Variants in HEMK2 observed in about 807,000 individuals in gnomAD.
HEMK2 encodes methyltransferase HEMK2.
the HEMK2 span, among the ~76,000 whole-genome samples, chr21:28,650,828 G>C: frequency 2.6e-5 from 4 of 152,158 alleles, no homozygotes; most frequent in Non-Finnish European, 5.9e-5. Flanking sequence ...GATGAAAGGG[G>C]CTTGAGGAAA....
the HEMK2 span, among the ~76,000 whole-genome samples, chr21:28,603,549 A>ATGTGTGTGTGTGTGTGTGTGTGTGTGTG: frequency 7.4e-6 from 1 of 135,734 alleles, no homozygotes; most frequent in Non-Finnish European, 1.6e-5. Context: ...GAGGATATAT[A>ATGTGTGTGTGTGTGTGTGTGTGTGTGTG]TGTGTGTGTG....
the HEMK2 span, among the ~76,000 whole-genome samples, chr21:28,730,416 AC>A: frequency 3.4e-3 from 352 of 103,790 alleles, 5 homozygotes; most frequent in African/African-American, 0.011. Context: ...ACACACACAC[AC>A]ATTTCTCACA....
At chr21:28,717,594 C>T in the HEMK2 span, among the ~76,000 whole-genome samples, 1 of 150,340 alleles carries the variant, frequency 6.7e-6, no homozygotes, top group Non-Finnish European at 1.5e-5. Context: ...ATTCTTCTGC[C>T]TCAGCCTCCC....
chr21:28,862,603 CA>C, the HEMK2 span, among the ~76,000 whole-genome samples: 1 of 149,458 alleles, frequency 6.7e-6, no homozygotes, highest in Non-Finnish European at 1.5e-5. Flanking sequence ...TGCGCCACTG[CA>C]GTCCGCAGTC....
the HEMK2 span, among the ~76,000 whole-genome samples, chr21:28,826,005 A>C: frequency 6.6e-6 from 1 of 152,252 alleles, no homozygotes; most frequent in Admixed American, 6.5e-5. Flanking sequence ...TGCAACCTAT[A>C]GCCTTCAAGA....
the HEMK2 span, among the ~76,000 whole-genome samples, chr21:28,855,605 C>A: frequency 3.9e-5 from 6 of 152,106 alleles, no homozygotes; most frequent in South Asian, 1.0e-3. Context: ...ATAAACCACA[C>A]AATCAGAAAA....
chr21:28,860,548 A>C, the HEMK2 span, among the ~76,000 whole-genome samples: 1 of 151,774 alleles, frequency 6.6e-6, no homozygotes, highest in African/African-American at 2.4e-5. Context: ...TTCACTGAAC[A>C]AAGAAATTTT....
the HEMK2 span, chr21:28,880,087 GAAGTA>G: frequency 2.0e-6 from 1 of 492,082 alleles, no homozygotes; most frequent in Non-Finnish European, 3.5e-6. Flanking sequence ...AGACAGAAAT[GAAGTA>G]TTTTTATGTT....
the HEMK2 span, among the ~76,000 whole-genome samples, chr21:28,733,840 T>C: frequency 1.1e-5 from 1 of 95,052 alleles, no homozygotes; most frequent in Non-Finnish European, 2.0e-5. Flanking sequence ...AACTCGTCAC[T>C]GTTTAGTCTT....
At chr21:28,666,793 A>G in the HEMK2 span, among the ~76,000 whole-genome samples, 6 of 152,202 alleles carry the variant, frequency 3.9e-5, no homozygotes, top group African/African-American at 1.4e-4. Flanking sequence ...TTCTGAGGAA[A>G]GACTAGAAAA....
At chr21:28,845,511 G>A in the HEMK2 span, among the ~76,000 whole-genome samples, 3 of 151,904 alleles carry the variant, frequency 2.0e-5, no homozygotes, top group Non-Finnish European at 4.4e-5. Flanking sequence ...ACACTCACTA[G>A]GTGTGTGTAT....
chr21:28,771,522 C>CCCCCA, the HEMK2 span, among the ~76,000 whole-genome samples: 1 of 119,162 alleles, frequency 8.4e-6, no homozygotes, highest in African/African-American at 2.9e-5. Flanking sequence ...TGCACCACCC[C>CCCCCA]CCCCCGCCAA....
the HEMK2 span, among the ~76,000 whole-genome samples, chr21:28,847,952 G>C: frequency 6.6e-6 from 1 of 152,106 alleles, no homozygotes; most frequent in Non-Finnish European, 1.5e-5. Context: ...TTTATTTCTG[G>C]GTTCTCTAAC....
chr21:28,608,400 A>G, the HEMK2 span, among the ~76,000 whole-genome samples: 1 of 152,136 alleles, frequency 6.6e-6, no homozygotes, highest in African/African-American at 2.4e-5. Context: ...AAAAAAAAAA[A>G]AAAAGAAATG....
chr21:28,670,794 G>A, the HEMK2 span, among the ~76,000 whole-genome samples: 29 of 152,210 alleles, frequency 1.9e-4, no homozygotes, highest in Non-Finnish European at 4.1e-4. Flanking sequence ...ATGGCAGCAG[G>A]CAAGAGAGAG....
At chr21:28,789,241 A>G in the HEMK2 span, among the ~76,000 whole-genome samples, 1 of 152,188 alleles carries the variant, frequency 6.6e-6, no homozygotes, top group Non-Finnish European at 1.5e-5. Context: ...AACCTTGGTA[A>G]TAGAAGGCTT....
chr21:28,754,905 T>C, the HEMK2 span, among the ~76,000 whole-genome samples: 1 of 152,196 alleles, frequency 6.6e-6, no homozygotes, highest in Admixed American at 6.5e-5. Flanking sequence ...ATCCAGGCTT[T>C]AGAAGAGGCA....
chr21:28,579,363 A>G, the HEMK2 span, among the ~76,000 whole-genome samples: 5 of 152,162 alleles, frequency 3.3e-5, no homozygotes, highest in Non-Finnish European at 7.3e-5. Flanking sequence ...ATATTCTTCA[A>G]ATTCTTCTTT....
chr21:28,797,355 G>T, the HEMK2 span, among the ~76,000 whole-genome samples: 1 of 152,012 alleles, frequency 6.6e-6, no homozygotes, highest in Non-Finnish European at 1.5e-5. Flanking sequence ...CAGAACTTTG[G>T]GAGGCTAAGG....
Sources: gnomAD v4.1 joint callset for allele counts (sites outside exome capture counted in the v4.1 genomes callset) on GRCh38, gnomAD v4.1.1 for gene constraint, MANE v1.5 for transcripts, NCBI Gene and HGNC (gene_info 2026-07-23, HGNC 2026-07-21) for gene names.